Variants in UXS1 observed in about 807,000 individuals in gnomAD.
UXS1 encodes UDP-glucuronate decarboxylase 1.
In UXS1, 33 loss-of-function variants were observed where a neutral mutation model predicts 62.6. The ratio of observed to expected loss-of-function variants is 0.53; its 90% CI spans 0.40 to 0.70. The LOEUF is 0.70. Among genes scored for constraint, UXS1 ranks in the 30% least tolerant of loss-of-function variants. The pLI, the probability that UXS1 is intolerant of heterozygous loss-of-function variation, is 0.00. For missense variants in UXS1, 434 were observed against 556.3 expected (o/e 0.78, Z 2.21); for synonymous variants, 213 against 206.8 (o/e 1.03, Z -0.26).
chr2:106,110,430 C>A (rs986669519), intron 10 of UXS1, among the ~76,000 whole-genome samples: 6 of 152,208 alleles, frequency 3.9e-5, no homozygotes, highest in African/African-American at 1.4e-4. Context: ...TGGAGGCTTT[C>A]ATGGTTTCCT....
intron 1 of UXS1, among the ~76,000 whole-genome samples, chr2:106,191,737 A>T (rs548301972): frequency 3.3e-5 from 5 of 152,312 alleles, no homozygotes; most frequent in Admixed American, 3.3e-4. Context: ...CTCCTAGAAC[A>T]CGCTCTCTCC....
intron 1 of UXS1, among the ~76,000 whole-genome samples, chr2:106,172,325 C>T (rs906916077): frequency 3.9e-5 from 6 of 152,164 alleles, no homozygotes; most frequent in Non-Finnish European, 8.8e-5. Flanking sequence ...GGAGGACTTA[C>T]CCCTTTATTG....
At chr2:106,127,728 T>C (rs1217682392) in intron 7 of UXS1, among the ~76,000 whole-genome samples, 1 of 152,214 alleles carries the variant, frequency 6.6e-6, no homozygotes, top group Non-Finnish European at 1.5e-5. Flanking sequence ...CGCCTCTCGG[T>C]TCAGAATACA....
chr2:106,113,408 C>T (rs1678785615), intron 9 of UXS1, among the ~76,000 whole-genome samples: 1 of 152,180 alleles, frequency 6.6e-6, no homozygotes, highest in African/African-American at 2.4e-5. Flanking sequence ...TTTAAATAGT[C>T]ATCCCTCCTG....
At chr2:106,165,974 A>G (rs1683185856) in intron 2 of UXS1, 82 bp downstream of exon 2, 13 of 1,334,262 alleles carry the variant, frequency 9.7e-6, no homozygotes, top group South Asian at 1.4e-5. Context: ...CAATTAACCC[A>G]TGACATCCAT....
At chr2:106,118,018 C>T (rs1679197519) in intron 9 of UXS1, among the ~76,000 whole-genome samples, 1 of 152,184 alleles carries the variant, frequency 6.6e-6, no homozygotes, top group South Asian at 2.1e-4. Context: ...GCTGACCTTC[C>T]TGAGGTTTGC....
Position 106,145,254 on chromosome 2 carries a change from G to A in UXS1, c.408C>T (p.His136=), listed in dbSNP as rs372950983. 433 of 1,613,840 alleles carry A rather than the reference G, an allele frequency of 2.7e-4. No homozygotes were observed. Among genetic ancestry groups the A allele is most frequent in the Non-Finnish European group, 3.2e-4 (372 of 1,179,888 alleles). ...FFTGRKRNVE[H]WIGHENFELI... The stretch of plus-strand genomic sequence containing the variant: ...ACTCGAAGTTCTCATGTCCGATCCA[G>A]TGCTCCACGTTTCTCTTCCTGCCCG... The change falls in exon 6 of 15, where the codon CAC becomes CAT. Residue 136 remains histidine (H), a synonymous_variant. Transcript: ENST00000283148.
rs184839670 is a variant in UXS1 at position 106,186,660 on chromosome 2, A to T, written c.94+7488T>A. ...TAGATTTTAAACTAAACAAAAAAAA[A>T]TTTTTTAATTAGCTGGCTGTGGTGG... On this transcript the variant is annotated intron_variant, in intron 1 of 14. Transcript: ENST00000283148. 2.8e-3 allele frequency among the ~76,000 whole-genome samples: 419 copies of T among 152,208 alleles called. 1 individual carries two copies. Among genetic ancestry groups the T allele is most frequent in the Middle Eastern group, 0.02 (6 of 294 alleles).
intron 6 of UXS1, among the ~76,000 whole-genome samples, chr2:106,130,648 C>G (rs946111660): frequency 1.3e-5 from 2 of 152,218 alleles, no homozygotes; most frequent in Non-Finnish European, 2.9e-5. Context: ...CTGCCCGGGC[C>G]TTCCGGGCTC....
intron 1 of UXS1, among the ~76,000 whole-genome samples, 194 bp downstream of exon 1, chr2:106,193,954 G>A (rs1209178635): frequency 6.6e-6 from 1 of 151,918 alleles, no homozygotes; most frequent in Non-Finnish European, 1.5e-5. Flanking sequence ...AAGCGGTAGG[G>A]GGTGTGCGCC....
chr2:106,176,098 G>A (rs926609425), intron 1 of UXS1, among the ~76,000 whole-genome samples: 4 of 152,224 alleles, frequency 2.6e-5, no homozygotes, highest in Middle Eastern at 3.4e-3. Context: ...AGACTGGCCC[G>A]CCTGGGTAGA....
intron 9 of UXS1, among the ~76,000 whole-genome samples, chr2:106,114,549 A>G (rs1678908561): frequency 6.6e-6 from 1 of 152,190 alleles, no homozygotes; most frequent in Admixed American, 6.5e-5. Flanking sequence ...ACAATAATCA[A>G]CGCAATGTGC....
At chr2:106,098,810 A>G in intron 12 of UXS1, 37 bp from the exon 13 acceptor site, 1 of 1,588,500 alleles carries the variant, frequency 6.3e-7, no homozygotes, top group Non-Finnish European at 8.6e-7. Flanking sequence ...AAGCGTCATG[A>G]CAACAGCAGC....
chr2:106,180,258 A>T (rs543012852), intron 1 of UXS1, among the ~76,000 whole-genome samples: 8 of 152,378 alleles, frequency 5.3e-5, no homozygotes, highest in African/African-American at 1.9e-4. Flanking sequence ...GGGAAGGTGA[A>T]CAGGATTAGC....
rs985712661 is a variant in UXS1, at chr2:106,097,357, A to G, written c.1043-536T>C. On this transcript the variant is annotated intron_variant, in intron 13 of 14. Coordinates refer to ENST00000283148, the MANE Select transcript of UXS1 (RefSeq NM_001253875.2). ...CCTGTTCCACATCCTTGCTGGGCCC[A>G]GGCCCCACTGGCCAGCAGTACACAG... 2.8e-4 allele frequency: 109 copies of G among 387,288 alleles called. No homozygotes were observed. The Admixed American group carries it at 3.0e-3, about 11-fold the overall frequency. The allele number at this position is 387,288 out of a possible 1,614,324, so 24.0% of individuals were successfully genotyped here.
chr2:106,119,814 G>A lies in UXS1; in HGVS notation c.759+3156C>T, dbSNP rs1207801584. Among the ~76,000 whole-genome samples, 5 of 152,124 alleles carry A rather than the reference G, an allele frequency of 3.3e-5. No individual in the cohort carries two copies. The South Asian group carries it at 6.2e-4, about 19-fold the overall frequency. ...TCCTGGGTTAAAGAATCATCTCAACGTCTTCATTTCAACGTTTTATATCTC... is the reference window on the plus strand; with the variant it reads ...TCCTGGGTTAAAGAATCATCTCAACATCTTCATTTCAACGTTTTATATCTC... On this transcript the variant is annotated intron_variant, in intron 9 of 14. Coordinates refer to ENST00000283148, the MANE Select transcript of UXS1 (RefSeq NM_001253875.2).
At chr2:106,110,468 C>T (rs1412582251) in intron 10 of UXS1, among the ~76,000 whole-genome samples, 1 of 152,174 alleles carries the variant, frequency 6.6e-6, no homozygotes, top group African/African-American at 2.4e-5. Flanking sequence ...CATCTCACAG[C>T]ATGAAGGAGT....
chr2:106,173,078 T>C (rs1012761411), intron 1 of UXS1, among the ~76,000 whole-genome samples: 1 of 152,234 alleles, frequency 6.6e-6, no homozygotes. Flanking sequence ...CCTATTTATA[T>C]CTGTTTATTG....
At chr2:106,171,477 C>T (rs1246424253) in intron 1 of UXS1, among the ~76,000 whole-genome samples, 1 of 152,208 alleles carries the variant, frequency 6.6e-6, no homozygotes, top group African/African-American at 2.4e-5. Context: ...TGTGTGTTCA[C>T]AGGTCTCAAG....
Sources: gnomAD v4.1 joint callset for allele counts (sites outside exome capture counted in the v4.1 genomes callset) on GRCh38, gnomAD v4.1.1 for gene constraint, MANE v1.5 for transcripts, NCBI Gene and HGNC (gene_info 2026-07-23, HGNC 2026-07-21) for gene names.